RHBDD1: variants seen among roughly 807,000 people sequenced by gnomAD.
RHBDD1 encodes the protein rhomboid-related protein 4.
Under a neutral mutation model 36.3 loss-of-function variants are expected in RHBDD1, and 38 were observed. The observed-to-expected ratio is 1.05, with a 90% CI of 0.81 to 1.37. The LOEUF (loss-of-function observed/expected upper bound fraction) is 1.37, where lower values mean the gene tolerates loss of function less well. RHBDD1 is among the 40% of genes most tolerant of loss of function. RHBDD1 has a pLI of 0.00. For missense variants in RHBDD1, 393 were observed against 377.6 expected (o/e 1.04, Z -0.34); for synonymous variants, 151 against 136.5 (o/e 1.11, Z -0.74).
chr2:226,908,734 T>G, intron 6 of RHBDD1, 88 bp from the exon 7 acceptor site: 1 of 887,494 alleles, frequency 1.1e-6, no homozygotes, highest in South Asian at 1.4e-5. Context: ...GACCTTGGGC[T>G]TTGTCCAGAG....
intron 8 of RHBDD1, among the ~76,000 whole-genome samples, chr2:226,990,153 C>T (rs1199830217): frequency 6.6e-6 from 1 of 152,178 alleles, no homozygotes; most frequent in Non-Finnish European, 1.5e-5. Flanking sequence ...TGTCTTTAAG[C>T]ATCTCCCCTT....
chr2:226,977,910 ATG>A (rs1559334428), intron 8 of RHBDD1, among the ~76,000 whole-genome samples: 2 of 152,244 alleles, frequency 1.3e-5, no homozygotes. Context: ...AATTTGAACA[ATG>A]TGGTTTTAAA....
chr2:226,839,376 G>T (rs929487664), intron 2 of RHBDD1, 33 bp from the exon 3 acceptor site: 1 of 152,068 alleles, frequency 6.6e-6, no homozygotes, highest in Non-Finnish European at 1.5e-5. Flanking sequence ...TCATAGCCAC[G>T]TAAGCAATGG....
At chr2:226,989,782 A>G (rs992414027) in intron 8 of RHBDD1, among the ~76,000 whole-genome samples, 1 of 152,194 alleles carries the variant, frequency 6.6e-6, no homozygotes, top group African/African-American at 2.4e-5. Flanking sequence ...AAATTAACCA[A>G]CTGGAGGGGA....
chr2:226,932,372 C>G (rs549838168), intron 8 of RHBDD1, among the ~76,000 whole-genome samples: 10 of 152,240 alleles, frequency 6.6e-5, no homozygotes, highest in African/African-American at 2.2e-4. Flanking sequence ...TGTATCCCTA[C>G]TGATTGTCTC....
rs1294372074 is a variant in RHBDD1 at position 226,904,414 on chromosome 2, CG to C, written c.567-2371del. On this transcript the variant is annotated intron_variant, in intron 5 of 8. Coordinates refer to ENST00000392062, the MANE Select transcript of RHBDD1 (RefSeq NM_001167608.3). ...ACACCACTGTGGCACATCCTGCAAG[CG>C]GGGGGGGAGGGGGGTCAGGGAACTC... Among the ~76,000 whole-genome samples, 21 of 46,600 alleles carry C rather than the reference CG, an allele frequency of 4.5e-4. 1 individual carries two copies. The highest frequency in any genetic ancestry group is 1.8e-3 in the South Asian group (2 of 1,112). 30.6% of individuals were successfully genotyped at this position (46,600 alleles called of 152,430 possible).
intron 8 of RHBDD1, among the ~76,000 whole-genome samples, chr2:226,964,785 C>T (rs1417633160): frequency 1.3e-5 from 2 of 152,190 alleles, no homozygotes; most frequent in East Asian, 3.9e-4. Context: ...CTTCTTTTTA[C>T]ATCCATTAGT....
At chr2:226,965,859 A>C (rs1198766127) in intron 8 of RHBDD1, among the ~76,000 whole-genome samples, 5 of 152,072 alleles carry the variant, frequency 3.3e-5, no homozygotes, top group Non-Finnish European at 7.4e-5. Context: ...GTCCAGTGGC[A>C]GCGGGCTAGA....
At chr2:226,939,858 T>A (rs1950558022) in intron 8 of RHBDD1, among the ~76,000 whole-genome samples, 1 of 152,080 alleles carries the variant, frequency 6.6e-6, no homozygotes, top group Non-Finnish European at 1.5e-5. Flanking sequence ...ACTACCCAAC[T>A]TCAAACTATG....
chr2:226,951,614 G>A (rs905563738), intron 8 of RHBDD1, among the ~76,000 whole-genome samples: 1 of 152,130 alleles, frequency 6.6e-6, no homozygotes, highest in African/African-American at 2.4e-5. Flanking sequence ...TCGGGGAAAG[G>A]CCAGGGAATA....
intron 8 of RHBDD1, among the ~76,000 whole-genome samples, chr2:226,972,776 T>G (rs1260955225): frequency 1.3e-5 from 2 of 152,200 alleles, no homozygotes; most frequent in African/African-American, 4.8e-5. Flanking sequence ...TCTTGCTGTT[T>G]AAGGGTGCCT....
intron 5 of RHBDD1, among the ~76,000 whole-genome samples, chr2:226,872,583 A>G (rs755090670): frequency 3.3e-5 from 5 of 152,210 alleles, no homozygotes; most frequent in Non-Finnish European, 7.3e-5. Context: ...AAATTTCAGT[A>G]CTTTTCAAGT....
chr2:226,968,462 G>C (rs1279704555), intron 8 of RHBDD1, among the ~76,000 whole-genome samples: 1 of 152,136 alleles, frequency 6.6e-6, no homozygotes, highest in African/African-American at 2.4e-5. Context: ...TTAACCGATT[G>C]AATCAGGCTC....
rs1045373586 is a variant in RHBDD1, at chr2:226,931,799, T to A, written c.856+17448T>A. 5.3e-5 allele frequency among the ~76,000 whole-genome samples: 8 copies of A among 152,236 alleles called. No individual in the cohort carries two copies. The South Asian group carries it at 6.2e-4, about 12-fold the overall frequency. On this transcript the variant is annotated intron_variant, in intron 8 of 8. Coordinates refer to ENST00000392062, the MANE Select transcript of RHBDD1 (RefSeq NM_001167608.3). ...AGCATGGATCCTCTTAGTTCTTTTTTAAAATTACTTTGGGTATTCTAGATC... is the reference window on the plus strand; with the variant it reads ...AGCATGGATCCTCTTAGTTCTTTTTAAAAATTACTTTGGGTATTCTAGATC...
chr2:226,985,499 A>G (rs1956733546), intron 8 of RHBDD1, among the ~76,000 whole-genome samples: 1 of 152,236 alleles, frequency 6.6e-6, no homozygotes. Flanking sequence ...AGCAGATTTA[A>G]TGTCATAGGC....
chr2:226,817,576 CA>C, the RHBDD1 span, among the ~76,000 whole-genome samples: 1 of 152,140 alleles, frequency 6.6e-6, no homozygotes, highest in African/African-American at 2.4e-5. Context: ...TTGAACAACC[CA>C]AATACACAGA....
intron 8 of RHBDD1, among the ~76,000 whole-genome samples, chr2:226,987,446 A>C (rs1957230227): frequency 6.6e-6 from 1 of 152,348 alleles, no homozygotes; most frequent in South Asian, 2.1e-4. Flanking sequence ...AGCTGCCAAA[A>C]GTCATGAGCA....
chr2:226,956,449 G>A (rs557384155), intron 8 of RHBDD1, among the ~76,000 whole-genome samples: 3 of 152,248 alleles, frequency 2.0e-5, no homozygotes, highest in African/African-American at 7.2e-5. Flanking sequence ...GTGTTATCAG[G>A]TGTTACCTAT....
At chr2:226,854,602 A>G (rs766876938) in intron 3 of RHBDD1, among the ~76,000 whole-genome samples, 44 of 79,552 alleles carry the variant, frequency 5.5e-4, no homozygotes, top group Middle Eastern at 4.4e-3. Flanking sequence ...CTCTGTTTCG[A>G]AAAAAAAAAA....
Sources: gnomAD v4.1 joint callset for allele counts (sites outside exome capture counted in the v4.1 genomes callset) on GRCh38, gnomAD v4.1.1 for gene constraint, MANE v1.5 for transcripts, NCBI Gene and HGNC (gene_info 2026-07-23, HGNC 2026-07-21) for gene names.